TDG: variants seen among roughly 807,000 people sequenced by gnomAD.
TDG encodes the protein G/T mismatch-specific thymine DNA glycosylase.
In TDG, 23 loss-of-function variants were observed where a neutral mutation model predicts 46.1. The observed-to-expected ratio is 0.50, with a 90% CI of 0.36 to 0.71. The LOEUF (loss-of-function observed/expected upper bound fraction) is 0.71, where lower values mean the gene tolerates loss of function less well. TDG is among the 30% of genes least tolerant of loss of function. The probability of loss-of-function intolerance (pLI) is 0.00; values close to 1 mark genes in which losing one functional copy is unlikely to be tolerated. For synonymous variants in TDG, 115 were observed against 161.3 expected (o/e 0.71, Z 2.18); for missense variants, 304 against 486.7 (o/e 0.62, Z 3.53).
At chr12:103,985,917 C>A (rs1872131951) in intron 9 of TDG, among the ~76,000 whole-genome samples, 189 bp downstream of exon 9, 1 of 151,974 alleles carries the variant, frequency 6.6e-6, no homozygotes, top group African/African-American at 2.4e-5. Flanking sequence ...AGTACATTTT[C>A]TTTTTTGTTT....
At position 103,982,929 on chromosome 12, in the gene TDG, C is replaced by T; in HGVS notation, c.609C>T (p.Leu203=). 1 of 1,614,096 alleles carries T rather than the reference C, an allele frequency of 6.2e-7. No homozygotes were observed. Among genetic ancestry groups the T allele is most frequent in the Non-Finnish European group, 8.5e-7 (1 of 1,180,012 alleles). Residue 203 remains leucine (L), a synonymous_variant, in exon 5 of 10, where the codon CTC becomes CTT. Transcript: ENST00000392872. ...GGACCACGCCCGGCAGCAAAGATCT[C>T]TCCAGGTAAGTACACAGCATTTGCT... ...VERTTPGSKD[L]SSKEFREGGR...
At chr12:103,977,090 C>G (rs1871580131) in intron 2 of TDG, 30 bp downstream of exon 2, 2 of 1,583,128 alleles carry the variant, frequency 1.3e-6, no homozygotes, top group Admixed American at 1.9e-5. Flanking sequence ...TTAGAAAGTT[C>G]AACATCGGAT....
chr12:103,971,960 G>A (rs1028852715), intron 1 of TDG, among the ~76,000 whole-genome samples: 3 of 152,152 alleles, frequency 2.0e-5, no homozygotes, highest in African/African-American at 4.8e-5. Flanking sequence ...TTCTCATAGA[G>A]TTATTGCTCA....
intron 1 of TDG, among the ~76,000 whole-genome samples, chr12:103,969,431 G>A (rs936169370): frequency 5.9e-5 from 9 of 152,236 alleles, no homozygotes; most frequent in African/African-American, 2.2e-4. Flanking sequence ...CAGGCAGACT[G>A]AAGAGAGGTC....
At chr12:103,977,986 G>A (rs920086652) in intron 2 of TDG, among the ~76,000 whole-genome samples, 3 of 152,074 alleles carry the variant, frequency 2.0e-5, no homozygotes, top group South Asian at 2.1e-4. Flanking sequence ...TCCTGGAGGC[G>A]GAGGCTGAGA....
At chr12:103,973,408 G>A (rs546177855) in intron 1 of TDG, among the ~76,000 whole-genome samples, 21 of 152,124 alleles carry the variant, frequency 1.4e-4, no homozygotes, top group African/African-American at 5.1e-4. Flanking sequence ...TCTTTTGCTC[G>A]CTCATTTATT....
At position 103,984,756 on chromosome 12, in the gene TDG, A is replaced by G. The variant is rs748482928; in HGVS notation, c.800A>G (p.Tyr267Cys). The G allele has an allele frequency of 5.6e-6, 9 of 1,604,808 alleles. No homozygotes were observed. The highest frequency in any genetic ancestry group is 1.7e-5 in the Admixed American group (1 of 59,462). Residue 267 changes from tyrosine (Y) to cysteine (C), a missense_variant, in exon 8 of 10, where the codon TAT (tyrosine) becomes TGT (cysteine). Physicochemically the swap from Tyr to Cys is radical, Grantham distance 194. Coordinates refer to ENST00000392872, the MANE Select transcript of TDG (RefSeq NM_003211.6). ...HKIPDTETLC[Y>C]VMPSSSARCA... The stretch of plus-strand genomic sequence containing the variant: ...AAAATGTTGTGATTCTAGCTCTGCT[A>G]TGTTATGCCATCATCCAGTGCAAGA...
chr12:103,970,572 A>T (rs1350926530), intron 1 of TDG, among the ~76,000 whole-genome samples: 1 of 152,108 alleles, frequency 6.6e-6, no homozygotes, highest in African/African-American at 2.4e-5. Flanking sequence ...AACCTTAAAA[A>T]TTTAGTTTTT....
intron 6 of TDG, 38 bp from the exon 7 acceptor site, chr12:103,983,257 A>C (rs751199553): frequency 3.2e-6 from 5 of 1,572,828 alleles, no homozygotes; most frequent in Non-Finnish European, 3.4e-6. Context: ...CTTTGCTAAC[A>C]TTATGGGCAA....
At chr12:103,973,154 G>T in intron 1 of TDG, 1 of 618,816 alleles carries the variant, frequency 1.6e-6, no homozygotes, top group Non-Finnish European at 2.9e-6. Flanking sequence ...GCATCATCTC[G>T]GCTCACCACA....
At chr12:103,980,687 A>C (rs765055126) in intron 3 of TDG, 20 of 466,992 alleles carry the variant, frequency 4.3e-5, no homozygotes, top group Non-Finnish European at 6.3e-5. Flanking sequence ...AATAACAGCA[A>C]AACTTTTAAA....
chr12:103,974,847 C>A (rs1436294118), intron 1 of TDG, among the ~76,000 whole-genome samples: 5 of 151,550 alleles, frequency 3.3e-5, no homozygotes, highest in African/African-American at 9.7e-5. Flanking sequence ...GTGGTGGGGG[C>A]GCCTGTAGTC....
intron 3 of TDG, chr12:103,980,386 A>G (rs558922437): frequency 3.9e-5 from 12 of 309,360 alleles, no homozygotes; most frequent in African/African-American, 2.6e-4. Context: ...TTGCAAGTAA[A>G]TGAGAGAATC....
chr12:103,985,579 A>T (rs1412713446), intron 8 of TDG, 24 bp from the exon 9 acceptor site: 1 of 1,397,940 alleles, frequency 7.2e-7, no homozygotes, highest in Non-Finnish European at 9.3e-7. Context: ...AATCAGATTT[A>T]AATCCTTTTT....
chr12:103,988,785 T>C lies in TDG; in HGVS notation c.*1695T>C, dbSNP rs1033880520. ...ATCCTATACATGACAGTGTGAGACT[T>C]TTTCATTAAATAATATTGAAAGATT... On this transcript the variant is annotated 3_prime_UTR_variant, in exon 10 of 10. Coordinates refer to ENST00000392872, the MANE Select transcript of TDG (RefSeq NM_003211.6). 1 of 148,106 alleles carries C rather than the reference T, an allele frequency of 6.8e-6. No homozygotes were observed. The highest frequency in any genetic ancestry group is 2.5e-5 in the African/African-American group (1 of 39,952). The allele number at this position is 148,106 out of a possible 1,614,324, so 9.2% of individuals were successfully genotyped here. A position where few individuals can be genotyped will look rare whatever the true frequency, so the allele number is the denominator to read the frequency against.
intron 1 of TDG, among the ~76,000 whole-genome samples, chr12:103,971,839 C>G (rs765574645): frequency 4.0e-4 from 61 of 152,228 alleles, no homozygotes; most frequent in Non-Finnish European, 7.1e-4. Context: ...AGTCCTATTT[C>G]CTATACATTG....
In TDG at chr12:103,985,583, C is replaced by G; in HGVS notation, c.965-20C>G. On this transcript the variant is annotated intron_variant, in intron 8 of 9. Transcript: ENST00000392872. Reference sequence around the variant, plus strand: ...TTGTTGTACAAAATCAGATTTAAATCCTTTTTACCTTCCTCACAGAGGATG... The same window carrying G: ...TTGTTGTACAAAATCAGATTTAAATGCTTTTTACCTTCCTCACAGAGGATG... The G allele has an allele frequency of 7.7e-7, 1 of 1,290,514 alleles. No homozygotes were observed. Among genetic ancestry groups the G allele is most frequent in the Middle Eastern group, 2.3e-4 (1 of 4,266 alleles). The allele number at this position is 1,290,514 out of a possible 1,614,324, so 79.9% of individuals were successfully genotyped here.
chr12:103,982,097 A>G (rs2136240590), intron 4 of TDG, among the ~76,000 whole-genome samples: 1 of 152,330 alleles, frequency 6.6e-6, no homozygotes, highest in African/African-American at 2.4e-5. Flanking sequence ...TTGTATATAA[A>G]TCATCTTATT....
At position 103,987,979 on chromosome 12, in the gene TDG, G is replaced by A. The variant is rs1400215661; in HGVS notation, c.*889G>A. The A allele has an allele frequency of 1.3e-5, 2 of 152,722 alleles. No homozygotes were observed. Among genetic ancestry groups the A allele is most frequent in the Non-Finnish European group, 2.9e-5 (2 of 67,996 alleles). The allele number at this position is 152,722 out of a possible 1,614,324, so 9.5% of individuals were successfully genotyped here. A position where few individuals can be genotyped will look rare whatever the true frequency, so the allele number is the denominator to read the frequency against. ...ACTCTCATTTAAACTGGTGCTTTAT[G>A]TACATGAGATGTACTAAAATAAGTA... On this transcript the variant is annotated 3_prime_UTR_variant, in exon 10 of 10. Coordinates refer to ENST00000392872, the MANE Select transcript of TDG (RefSeq NM_003211.6).
Sources: allele counts gnomAD v4.1 joint callset (sites outside exome capture counted in the v4.1 genomes callset), GRCh38; gene constraint gnomAD v4.1.1; transcripts MANE v1.5; gene names NCBI Gene and HGNC (gene_info 2026-07-23, HGNC 2026-07-21).